The following HHIP variants were observed in gnomAD, a reference collection of about 807,000 sequenced individuals.
HHIP encodes hedgehog interacting protein.
A neutral mutation model predicts 74.0 loss-of-function variants in HHIP; 12 were observed. The ratio of observed to expected loss-of-function variants is 0.16; its 90% CI spans 0.10 to 0.26. The LOEUF (loss-of-function observed/expected upper bound fraction) is 0.26. HHIP is among the 10% of genes least tolerant of loss of function. HHIP has a pLI of 1.00. For synonymous variants in HHIP, 309 were observed against 311.6 expected, an observed-to-expected ratio of 0.99 and a Z score of 0.09; for missense variants, 788 against 845.0, an observed-to-expected ratio of 0.93 and a Z score of 0.84.
intron 10 of HHIP, among the ~76,000 whole-genome samples, chr4:144,717,835 A>G (rs1730501489): frequency 6.6e-6 from 1 of 152,164 alleles, no homozygotes; most frequent in Non-Finnish European, 1.5e-5. Context: ...CATGTCTTCT[A>G]AAAAGCTAAA....
chr4:144,681,228 T>A (rs1729329414), intron 4 of HHIP, among the ~76,000 whole-genome samples: 2 of 152,122 alleles, frequency 1.3e-5, no homozygotes, highest in African/African-American at 4.8e-5. Context: ...GTATATTAAG[T>A]CAATATGATT....
At chr4:144,734,937 C>G (rs201626196) in intron 12 of HHIP, 48 bp downstream of exon 12, 13 of 1,535,080 alleles carry the variant, frequency 8.5e-6, no homozygotes, top group Non-Finnish European at 1.2e-5. Flanking sequence ...TGAGCCAATC[C>G]TTAGGTACTC....
In HHIP at chr4:144,708,013, G is replaced by T; in HGVS notation, c.1158-155G>T. ...TCACCTTGGCTTCCCAAAGTGCTGG[G>T]ATTACAGACGTGAGCCACTGCATCC... is the stretch of plus-strand genomic sequence containing the variant. On this transcript the variant is annotated intron_variant, in intron 6 of 12. Coordinates refer to ENST00000296575, the MANE Select transcript of HHIP (RefSeq NM_022475.3). The T allele has an allele frequency of 5.4e-6, 4 of 745,480 alleles. No individual in the cohort carries two copies. In the South Asian group the frequency reaches 7.4e-5, roughly 14 times the overall value. The allele number at this position is 745,480 out of a possible 1,614,324, so 46.2% of individuals were successfully genotyped here.
intron 1 of HHIP, chr4:144,648,037 G>A (rs1356730325): frequency 2.0e-5 from 3 of 151,672 alleles, no homozygotes; most frequent in East Asian, 1.9e-4. Flanking sequence ...CTCAGTTCAC[G>A]GTAGATTTCA....
intron 4 of HHIP, among the ~76,000 whole-genome samples, chr4:144,693,006 C>T (rs1385918202): frequency 6.6e-6 from 1 of 152,070 alleles, no homozygotes; most frequent in African/African-American, 2.4e-5. Context: ...ACTGGCATAC[C>T]ACATCTGCCC....
At chr4:144,705,659 A>C (rs1295067952) in intron 4 of HHIP, among the ~76,000 whole-genome samples, 1 of 152,228 alleles carries the variant, frequency 6.6e-6, no homozygotes, top group Non-Finnish European at 1.5e-5. Context: ...AATTTCAACA[A>C]GTTGAATTAG....
At chr4:144,692,479 C>A (rs1172660042) in intron 4 of HHIP, among the ~76,000 whole-genome samples, 3 of 152,122 alleles carry the variant, frequency 2.0e-5, no homozygotes, top group South Asian at 2.1e-4. Context: ...TTACCTGGAA[C>A]CTTCTTCCCT....
At chr4:144,733,268 T>C (rs537184460) in intron 11 of HHIP, among the ~76,000 whole-genome samples, 1 of 152,316 alleles carries the variant, frequency 6.6e-6, no homozygotes, top group East Asian at 1.9e-4. Flanking sequence ...TGACCATTCC[T>C]AGATTCAAAT....
In HHIP at chr4:144,737,921, A is replaced by G. The variant is rs996382332; in HGVS notation, c.2067A>G (p.Thr689=). Reference sequence around the variant, plus strand: ...TTCTTGATCAGATCATTGACATGACATCTTACTTGCTGGATCTAACAAGTT... The same window carrying G: ...TTCTTGATCAGATCATTGACATGACGTCTTACTTGCTGGATCTAACAAGTT... The part of the protein sequence containing the change: ...AGILDQIIDM[T]SYLLDLTSYI... Residue 689 remains threonine (T), a synonymous_variant, in exon 13 of 13, where the codon ACA becomes ACG. Transcript: ENST00000296575. 9 of 1,612,100 alleles carry G rather than the reference A, an allele frequency of 5.6e-6. No homozygotes were observed. The Admixed American group carries it at 8.3e-5, about 15-fold the overall frequency.
intron 10 of HHIP, among the ~76,000 whole-genome samples, chr4:144,715,867 C>CT (rs1730433490): frequency 6.6e-6 from 1 of 151,952 alleles, no homozygotes; most frequent in African/African-American, 2.4e-5. Context: ...TTTCTTTTTT[C>CT]TTTTTTCTTT....
At position 144,690,652 on chromosome 4, in the gene HHIP, A is replaced by G. The variant is rs372633595; in HGVS notation, c.832-15879A>G. ...GAGACTGGAAAGAGAGGTTAAGACCATATTGTAAAGTGTCTCATGGCCCCT... is the reference window on the plus strand; with the variant it reads ...GAGACTGGAAAGAGAGGTTAAGACCGTATTGTAAAGTGTCTCATGGCCCCT... On this transcript the variant is annotated intron_variant, in intron 4 of 12. Transcript: ENST00000296575. Among the ~76,000 whole-genome samples the G allele has an allele frequency of 1.5e-4, 23 of 152,336 alleles. No homozygotes were observed. The South Asian group carries it at 3.7e-3, about 25-fold the overall frequency.
intron 1 of HHIP, among the ~76,000 whole-genome samples, 155 bp from the exon 2 acceptor site, chr4:144,652,450 T>C (rs900338563): frequency 2.0e-5 from 3 of 152,132 alleles, no homozygotes. Context: ...TGTATCCTTA[T>C]AAAGGCATTC....
chr4:144,735,365 A>G (rs1270095599), intron 12 of HHIP, among the ~76,000 whole-genome samples: 1 of 152,196 alleles, frequency 6.6e-6, no homozygotes, highest in Non-Finnish European at 1.5e-5. Context: ...ATAAAACGGG[A>G]AAATGCAATT....
intron 8 of HHIP, 29 bp from the exon 9 acceptor site, chr4:144,714,196 A>C: frequency 6.3e-7 from 1 of 1,596,780 alleles, no homozygotes; most frequent in Non-Finnish European, 8.6e-7. Context: ...AATATGTTTC[A>C]TTTGATCTAA....
intron 11 of HHIP, among the ~76,000 whole-genome samples, chr4:144,725,409 C>T (rs1730768647): frequency 6.6e-6 from 1 of 152,134 alleles, no homozygotes; most frequent in African/African-American, 2.4e-5. Context: ...ACTGACATTC[C>T]TGTGCTCTTT....
At chr4:144,676,735 A>G (rs1267711613) in intron 4 of HHIP, among the ~76,000 whole-genome samples, 1 of 152,202 alleles carries the variant, frequency 6.6e-6, no homozygotes, top group Non-Finnish European at 1.5e-5. Flanking sequence ...TGGTCAGGAA[A>G]AGCAACAAGG....
rs1190074426 is a variant in HHIP, at chr4:144,739,962, T to C, written c.*2005T>C. 6.6e-6 allele frequency: 1 copy of C among 152,108 alleles called. No homozygotes were observed. Among genetic ancestry groups the C allele is most frequent in the African/African-American group, 2.4e-5 (1 of 41,412 alleles). 9.4% of individuals were successfully genotyped at this position (152,108 alleles called of 1,614,324 possible). A position where few individuals can be genotyped will look rare whatever the true frequency, so the allele number is the denominator to read the frequency against. Reference sequence around the variant, plus strand: ...TTCTCTTCATAGCCCTTTTACTGAATTCCATCACAGAAAGTTTTACAATTA... The same window carrying C: ...TTCTCTTCATAGCCCTTTTACTGAACTCCATCACAGAAAGTTTTACAATTA... On this transcript the variant is annotated 3_prime_UTR_variant, in exon 13 of 13. Coordinates refer to ENST00000296575, the MANE Select transcript of HHIP (RefSeq NM_022475.3).
chr4:144,690,968 G>T (rs73854045), intron 4 of HHIP, among the ~76,000 whole-genome samples: 6,618 of 152,194 alleles, frequency 0.043, 456 homozygotes, highest in African/African-American at 0.15. Flanking sequence ...CAGCTCAGCA[G>T]CAGGGGATGC....
chr4:144,697,974 A>G (rs1433245398), intron 4 of HHIP, among the ~76,000 whole-genome samples: 3 of 152,138 alleles, frequency 2.0e-5, no homozygotes, highest in African/African-American at 7.2e-5. Context: ...ATTGTGACTT[A>G]CAGGTAGATG....
Sources: allele counts gnomAD v4.1 joint callset (sites outside exome capture counted in the v4.1 genomes callset), GRCh38; gene constraint gnomAD v4.1.1; transcripts MANE v1.5; gene names NCBI Gene and HGNC (gene_info 2026-07-23, HGNC 2026-07-21).